The following STOX2 variants were observed in gnomAD, a reference collection of about 807,000 sequenced individuals.
The protein encoded by STOX2 is storkhead box 2.
In STOX2, 28 loss-of-function variants were observed where a neutral mutation model predicts 60.9. The observed-to-expected ratio is 0.46, with a 90% CI of 0.34 to 0.63. The LOEUF (loss-of-function observed/expected upper bound fraction) is 0.63. Among genes scored for constraint, STOX2 ranks in the 30% least tolerant of loss-of-function variants. The probability of loss-of-function intolerance (pLI) is 0.01; values close to 1 mark genes in which losing one functional copy is unlikely to be tolerated. For synonymous variants in STOX2, 472 were observed against 463.9 expected (o/e 1.02, Z -0.22); for missense variants, 1,024 against 1,187.7 (o/e 0.86, Z 2.03).
intron 1 of STOX2, among the ~76,000 whole-genome samples, chr4:183,839,877 G>T (rs1020092029): frequency 6.6e-6 from 1 of 152,156 alleles, no homozygotes. Flanking sequence ...TAAACTTTCG[G>T]ATTTACAAAT....
At chr4:183,890,165 G>A (rs2871381) in intron 1 of STOX2, among the ~76,000 whole-genome samples, 117,083 of 152,050 alleles carry the variant, frequency 0.77, 45,885 homozygotes, top group Non-Finnish European at 0.85. Flanking sequence ...CAAGGAAACC[G>A]GTAAACTCAG....
At position 183,905,675 on chromosome 4, in the gene STOX2, C is replaced by T. The variant is rs1473021803; in HGVS notation, c.-1116C>T. On this transcript the variant is annotated 5_prime_UTR_variant, in exon 1 of 4. Coordinates refer to ENST00000308497, the MANE Select transcript of STOX2 (RefSeq NM_020225.3). ...CCAGGCTGGGGCAGCTGCCAAGGTC[C>T]CCGCGCCGCCGCCGGGTGTTTTACA... 1 of 152,492 alleles carries T rather than the reference C, an allele frequency of 6.6e-6. No homozygotes were observed. The highest frequency in any genetic ancestry group is 1.5e-5 in the Non-Finnish European group (1 of 68,270). The allele number at this position is 152,492 out of a possible 1,614,324, so 9.4% of individuals were successfully genotyped here.
chr4:183,878,830 C>T (rs983147105), intron 1 of STOX2, among the ~76,000 whole-genome samples: 3 of 152,052 alleles, frequency 2.0e-5, no homozygotes, highest in Admixed American at 2.0e-4. Context: ...AAGGATGGCC[C>T]GTAAGGGGTG....
chr4:183,919,476 G>C (rs1230594950), intron 1 of STOX2, among the ~76,000 whole-genome samples: 1 of 152,180 alleles, frequency 6.6e-6, no homozygotes, highest in Admixed American at 6.5e-5. Flanking sequence ...CTCAGGCCTG[G>C]GATGTAAGCA....
chr4:183,813,082 A>G (rs556726916), intron 1 of STOX2, among the ~76,000 whole-genome samples: 2 of 152,312 alleles, frequency 1.3e-5, no homozygotes, highest in South Asian at 4.1e-4. Context: ...CAGAAAAAAT[A>G]CAAATAAAAA....
rs5864866 is a variant in STOX2, at chr4:184,021,444, TAAA to T, written c.*4170_*4172del. 2 of 148,308 alleles carry T rather than the reference TAAA, an allele frequency of 1.3e-5. No individual in the cohort carries two copies. The highest frequency in any genetic ancestry group is 3.0e-5 in the Non-Finnish European group (2 of 67,064). The allele number at this position is 148,308 out of a possible 1,614,324, so 9.2% of individuals were successfully genotyped here. On this transcript the variant is annotated 3_prime_UTR_variant, in exon 4 of 4. Transcript: ENST00000308497. ...TCTTGACACTTTTGTCCATTTTCAT[TAAA>T]AAAAAAAAAGTTCAGGGTGTTTGGA... is the stretch of plus-strand genomic sequence containing the variant.
Position 183,913,239 on chromosome 4 carries a change from C to G in STOX2, c.166+6283C>G, listed in dbSNP as rs571585390. Among the ~76,000 whole-genome samples the G allele has an allele frequency of 7.9e-5, 12 of 152,276 alleles. No homozygotes were observed. In the East Asian group the frequency reaches 2.1e-3, roughly 27 times the overall value. On this transcript the variant is annotated intron_variant, in intron 1 of 3. Coordinates refer to ENST00000308497, the MANE Select transcript of STOX2 (RefSeq NM_020225.3). Reference sequence around the variant, plus strand: ...GTGTGAAATTTGTCTTACTGTAACTCTGGGATGTAACCAGAAATAATGTGT... The same window carrying G: ...GTGTGAAATTTGTCTTACTGTAACTGTGGGATGTAACCAGAAATAATGTGT...
intron 1 of STOX2, among the ~76,000 whole-genome samples, chr4:183,826,448 G>T (rs191466160): frequency 6.6e-6 from 1 of 152,176 alleles, no homozygotes; most frequent in Admixed American, 6.5e-5. Flanking sequence ...GGCACAGTTC[G>T]TCTTCCCTGT....
In STOX2 at chr4:184,010,901, C is replaced by G; in HGVS notation, c.2063C>G (p.Pro688Arg). Residue 688 changes from proline (P) to arginine (R), a missense_variant, in exon 3 of 4, where the codon CCC becomes CGC. Around this residue, in one of 3 missense-constraint regions of STOX2, gnomAD observed 922 missense variants for 1,058.3 expected, o/e 0.87. Coordinates refer to ENST00000308497, the MANE Select transcript of STOX2 (RefSeq NM_020225.3). The surrounding 1 kb of genome is among the most constrained non-coding windows in gnomAD (Gnocchi z 4.5). ...GRLVQHHGAEPSSLDKRKEIF... is the reference protein window; with the variant it reads ...GRLVQHHGAERSSLDKRKEIF... ...CTCGTCCAGCACCATGGTGCCGAGC[C>G]CAGCAGCTTGGACAAGAGGAAAGAG... The G allele has an allele frequency of 6.2e-7, 1 of 1,613,108 alleles. No homozygotes were observed. Among genetic ancestry groups the G allele is most frequent in the South Asian group, 1.1e-5 (1 of 90,892 alleles).
chr4:183,989,043 G>T (rs1732973735), intron 1 of STOX2, among the ~76,000 whole-genome samples: 1 of 152,154 alleles, frequency 6.6e-6, no homozygotes, highest in East Asian at 1.9e-4. Context: ...GGACCGAGAA[G>T]TCCACAGCAG....
intron 1 of STOX2, among the ~76,000 whole-genome samples, chr4:183,907,247 C>T (rs1363588964): frequency 6.6e-6 from 1 of 152,212 alleles, no homozygotes; most frequent in Non-Finnish European, 1.5e-5. Context: ...GCTGCAGCCT[C>T]CTCGAGCTTT....
intron 1 of STOX2, among the ~76,000 whole-genome samples, chr4:183,864,496 T>A (rs577459500): frequency 5.9e-5 from 9 of 152,180 alleles, no homozygotes; most frequent in Non-Finnish European, 8.8e-5. Flanking sequence ...TGGGTTCAAG[T>A]GATTCTTCTG....
intron 1 of STOX2, among the ~76,000 whole-genome samples, chr4:183,975,511 C>G (rs979641965): frequency 6.6e-6 from 1 of 152,000 alleles, no homozygotes; most frequent in South Asian, 2.1e-4. Context: ...ATAGTCCCCA[C>G]AAAAATATAA....
chr4:184,017,513 G>A lies in STOX2; in HGVS notation c.*229G>A. The stretch of plus-strand genomic sequence containing the variant: ...AACTGAGTAACAGTAGGGGTGATAT[G>A]TATACTTTTGCTTCACTAATTGTAT... On this transcript the variant is annotated 3_prime_UTR_variant, in exon 4 of 4. Coordinates refer to ENST00000308497, the MANE Select transcript of STOX2 (RefSeq NM_020225.3). 1 of 414,748 alleles carries A rather than the reference G, an allele frequency of 2.4e-6. No individual in the cohort carries two copies. Among genetic ancestry groups the A allele is most frequent in the Non-Finnish European group, 4.3e-6 (1 of 233,246 alleles). 25.7% of individuals were successfully genotyped at this position (414,748 alleles called of 1,614,324 possible).
intron 1 of STOX2, among the ~76,000 whole-genome samples, chr4:183,861,516 C>T (rs1740446413): frequency 6.6e-6 from 1 of 152,216 alleles, no homozygotes; most frequent in Non-Finnish European, 1.5e-5. Flanking sequence ...TGAGAAGCGA[C>T]TTTCAGGCAG....
intron 3 of STOX2, among the ~76,000 whole-genome samples, chr4:184,016,589 G>T (rs1358978058): frequency 6.6e-6 from 1 of 152,006 alleles, no homozygotes; most frequent in Non-Finnish European, 1.5e-5. Flanking sequence ...AATGCCCAGG[G>T]TCCCCCAAAA....
At chr4:183,892,310 G>C (rs534069630) in intron 1 of STOX2, among the ~76,000 whole-genome samples, 1 of 152,114 alleles carries the variant, frequency 6.6e-6, no homozygotes, top group Non-Finnish European at 1.5e-5. Context: ...ACGGAGTCTC[G>C]CTCTGTCGCC....
Position 183,932,439 on chromosome 4 carries a change from A to G in STOX2, c.166+25483A>G, listed in dbSNP as rs577998960. Among the ~76,000 whole-genome samples the G allele has an allele frequency of 4.0e-4, 39 of 97,336 alleles. 5 individuals carry two copies. The highest frequency in any genetic ancestry group is 2.1e-3 in the African/African-American group (37 of 17,768). The allele number at this position is 97,336 out of a possible 152,430, so 63.9% of individuals were successfully genotyped here. On this transcript the variant is annotated intron_variant, in intron 1 of 3. Coordinates refer to ENST00000308497, the MANE Select transcript of STOX2 (RefSeq NM_020225.3). ...ACATACAGTATATGTATGTATACAT[A>G]CAGTATATGTATGTATACATACAGT...
chr4:183,871,700 T>C (rs1365454702), intron 1 of STOX2, among the ~76,000 whole-genome samples: 1 of 152,184 alleles, frequency 6.6e-6, no homozygotes, highest in South Asian at 2.1e-4. Flanking sequence ...TATTTTTACA[T>C]CTGCTTGTGA....
Sources: allele counts gnomAD v4.1 joint callset (sites outside exome capture counted in the v4.1 genomes callset), GRCh38; gene constraint gnomAD v4.1.1; regional missense constraint gnomAD v4.1.1; non-coding constraint Gnocchi (gnomAD v3.1); transcripts MANE v1.5; gene names NCBI Gene and HGNC (gene_info 2026-07-23, HGNC 2026-07-21).